CRY1: variants seen among roughly 807,000 people sequenced by gnomAD.
CRY1 encodes cryptochrome-1.
Under a neutral mutation model 76.0 loss-of-function variants are expected in CRY1, and 45 were observed. The observed-to-expected ratio is 0.59, with a 90% CI of 0.47 to 0.76. The LOEUF is 0.76. Among genes scored for constraint, CRY1 ranks in the 30% least tolerant of loss-of-function variants. The pLI is 0.00. For synonymous variants in CRY1, 248 were observed against 244.0 expected (o/e 1.02, Z -0.15); for missense variants, 587 against 716.4 (o/e 0.82, Z 2.06).
chr12:107,022,994 G>A (rs144807528), intron 1 of CRY1, among the ~76,000 whole-genome samples: 170 of 152,264 alleles, frequency 1.1e-3, no homozygotes, highest in Non-Finnish European at 1.8e-3. Flanking sequence ...TGCATCTTCT[G>A]TTGCGAAGAA....
At chr12:107,040,767 A>C (rs1351437245) in intron 1 of CRY1, among the ~76,000 whole-genome samples, 1 of 152,160 alleles carries the variant, frequency 6.6e-6, no homozygotes, top group African/African-American at 2.4e-5. Flanking sequence ...TTAGAATCCT[A>C]AATCTGACGT....
intron 2 of CRY1, among the ~76,000 whole-genome samples, chr12:107,011,504 AC>A (rs1214800811): frequency 1.3e-5 from 2 of 152,250 alleles, no homozygotes; most frequent in Admixed American, 6.5e-5. Context: ...ATAAAAAAAA[AC>A]AAAGCAGCCT....
chr12:107,019,374 A>G (rs1305627867), intron 2 of CRY1, among the ~76,000 whole-genome samples: 1 of 152,214 alleles, frequency 6.6e-6, no homozygotes, highest in Non-Finnish European at 1.5e-5. Context: ...AGACTACTAT[A>G]TGTAGCTAAA....
chr12:107,080,856 T>A (rs1358145924), intron 1 of CRY1, among the ~76,000 whole-genome samples: 1 of 152,004 alleles, frequency 6.6e-6, no homozygotes, highest in African/African-American at 2.4e-5. Context: ...ACAAAGAAAC[T>A]GAGATACATA....
intron 1 of CRY1, among the ~76,000 whole-genome samples, chr12:107,058,079 T>C (rs563108662): frequency 3.3e-5 from 5 of 151,696 alleles, no homozygotes; most frequent in South Asian, 2.1e-4. Flanking sequence ...CAAACAAATA[T>C]ATAAAGTGTC....
chr12:107,055,483 C>T (rs1352956754), intron 1 of CRY1, among the ~76,000 whole-genome samples: 2 of 152,030 alleles, frequency 1.3e-5, no homozygotes, highest in Non-Finnish European at 1.5e-5. Flanking sequence ...CCTAAGAATT[C>T]AGCCTATTAA....
At chr12:107,015,391 G>C (rs954928005) in intron 2 of CRY1, among the ~76,000 whole-genome samples, 1 of 150,544 alleles carries the variant, frequency 6.6e-6, no homozygotes, top group African/African-American at 2.4e-5. Context: ...CCAGGCTGGA[G>C]TGCAGTGGCA....
Position 107,092,892 on chromosome 12 carries a change from A to C in CRY1, c.70T>G (p.Cys24Gly), listed in dbSNP as rs968138971. 2 of 1,608,944 alleles carry C rather than the reference A, an allele frequency of 1.2e-6. No homozygotes were observed. Among genetic ancestry groups the C allele is most frequent in the Non-Finnish European group, 1.7e-6 (2 of 1,178,930 alleles). Residue 24 changes from cysteine to glycine, a missense_variant, in exon 1 of 13, where the codon TGC becomes GGC. Coordinates refer to ENST00000008527, the MANE Select transcript of CRY1 (RefSeq NM_004075.5). ...CGGATGGTGTCGGCGCCCTGAATGC[A>C]CTCCTTCAGGGCGGGGTTGTCGTGG... ...RLHDNPALKE[C>G]IQGADTIRCV...
intron 2 of CRY1, among the ~76,000 whole-genome samples, chr12:107,016,083 G>A (rs1033755042): frequency 6.6e-6 from 1 of 152,192 alleles, no homozygotes; most frequent in South Asian, 2.1e-4. Context: ...GCAAAGGCAG[G>A]TAGACCACTT....
chr12:107,032,185 C>T (rs1329066395), intron 1 of CRY1, among the ~76,000 whole-genome samples: 2 of 152,066 alleles, frequency 1.3e-5, no homozygotes, highest in South Asian at 4.1e-4. Context: ...CCACCTGCCT[C>T]GGCCTCCCAA....
intron 1 of CRY1, chr12:107,050,197 T>C (rs913094757): frequency 6.6e-6 from 1 of 150,656 alleles, no homozygotes; most frequent in Non-Finnish European, 1.5e-5. Context: ...AGAAAAACAA[T>C]GAGGAGGGCT....
intron 2 of CRY1, among the ~76,000 whole-genome samples, chr12:107,011,256 A>T (rs1490094786): frequency 6.6e-6 from 1 of 152,188 alleles, no homozygotes; most frequent in Non-Finnish European, 1.5e-5. Flanking sequence ...AGGCTGAGGC[A>T]GGAGAATCGT....
intron 1 of CRY1, among the ~76,000 whole-genome samples, chr12:107,087,431 A>C (rs1953416531): frequency 6.6e-6 from 1 of 152,226 alleles, no homozygotes; most frequent in Admixed American, 6.5e-5. Context: ...TCAAGAGCCC[A>C]CCTCTTGGAC....
At chr12:107,075,531 A>G (rs943493349) in intron 1 of CRY1, among the ~76,000 whole-genome samples, 1 of 152,182 alleles carries the variant, frequency 6.6e-6, no homozygotes. Context: ...ATAATAGGCA[A>G]TATCAGTCTG....
At chr12:107,062,331 A>T (rs181150465) in intron 1 of CRY1, among the ~76,000 whole-genome samples, 585 of 152,282 alleles carry the variant, frequency 3.8e-3, no homozygotes, top group Middle Eastern at 6.8e-3. Flanking sequence ...TTTTAATTAT[A>T]TTCATAATTT....
intron 3 of CRY1, among the ~76,000 whole-genome samples, chr12:107,004,535 T>A (rs1456758527): frequency 6.6e-6 from 1 of 152,158 alleles, no homozygotes. Flanking sequence ...ACCACAGAAT[T>A]TCTGTGGGAC....
chr12:107,085,613 G>C (rs1207205671), intron 1 of CRY1, among the ~76,000 whole-genome samples: 1 of 152,084 alleles, frequency 6.6e-6, no homozygotes, highest in Non-Finnish European at 1.5e-5. Flanking sequence ...TGAACAATGA[G>C]AACACATGGA....
chr12:107,049,955 G>A (rs974051699), intron 1 of CRY1: 20 of 152,112 alleles, frequency 1.3e-4, no homozygotes, highest in African/African-American at 4.6e-4. Context: ...GGGACTTACT[G>A]TAGAAATGGC....
chr12:107,030,604 T>C (rs1168672570), intron 1 of CRY1, among the ~76,000 whole-genome samples: 3 of 152,128 alleles, frequency 2.0e-5, no homozygotes, highest in East Asian at 1.9e-4. Context: ...ATGGCCAAGT[T>C]AGTCTTCAAA....
Sources: gnomAD v4.1 joint callset for allele counts (sites outside exome capture counted in the v4.1 genomes callset) on GRCh38, gnomAD v4.1.1 for gene constraint, MANE v1.5 for transcripts, NCBI Gene and HGNC (gene_info 2026-07-23, HGNC 2026-07-21) for gene names.